Variants in CFAP99 observed in about 807,000 individuals in gnomAD.
The protein encoded by CFAP99 is cilia- and flagella-associated protein 99.
Under a neutral mutation model 82.7 loss-of-function variants are expected in CFAP99, and 84 were observed. The ratio of observed to expected loss-of-function variants is 1.02; its 90% confidence interval spans 0.85 to 1.22. CFAP99 has a LOEUF of 1.22. Ranked by LOEUF, CFAP99 falls within the 50% of genes most tolerant of loss-of-function variation. The probability of loss-of-function intolerance (pLI) is 0.00; values close to 1 mark genes in which losing one functional copy is unlikely to be tolerated. For missense variants in CFAP99, 1,059 were observed against 983.5 expected, an observed-to-expected ratio of 1.08 and a Z score of -1.03; for synonymous variants, 456 against 429.5, an observed-to-expected ratio of 1.06 and a Z score of -0.76.
chr4:2,451,127 C>T, intron 9 of CFAP99, 109 bp downstream of exon 9: 2 of 1,452,200 alleles, frequency 1.4e-6, no homozygotes, highest in Non-Finnish European at 9.3e-7. Flanking sequence ...CCTAGAGTCC[C>T]AAGGACGGCC....
At chr4:2,426,838 A>G in intron 2 of CFAP99, 1 of 486,046 alleles carries the variant, frequency 2.1e-6, no homozygotes, top group Non-Finnish European at 3.8e-6. Flanking sequence ...CTGCGGTTCC[A>G]TCCTCAGTCA....
At chr4:2,454,594 G>GTTTTTTTTTTTTTTTTTTTTTTTTTTT (rs1204498727) in intron 11 of CFAP99, among the ~76,000 whole-genome samples, 2 of 84,536 alleles carry the variant, frequency 2.4e-5, no homozygotes, top group African/African-American at 4.2e-5. Context: ...TTTTTTTTTT[G>GTTTTTTTTTTTTTTTTTTTTTTTTTTT]TTTTTTTTTT....
intron 1 of CFAP99, among the ~76,000 whole-genome samples, chr4:2,425,628 G>T (rs1022280754): frequency 6.6e-6 from 1 of 152,180 alleles, no homozygotes; most frequent in Non-Finnish European, 1.5e-5. Context: ...CCTCTGCCCA[G>T]CGCTGCCCTA....
intron 2 of CFAP99, among the ~76,000 whole-genome samples, chr4:2,434,850 G>A (rs1416907207): frequency 6.6e-6 from 1 of 152,222 alleles, no homozygotes; most frequent in African/African-American, 2.4e-5. Context: ...TGCACTGCAG[G>A]GACGATGCTA....
At chr4:2,434,381 G>A (rs1733865436) in intron 2 of CFAP99, among the ~76,000 whole-genome samples, 1 of 152,210 alleles carries the variant, frequency 6.6e-6, no homozygotes, top group Admixed American at 6.5e-5. Flanking sequence ...CCTCCAATAT[G>A]TGGAGGTTGA....
chr4:2,458,446 C>T (rs924209682), intron 11 of CFAP99, among the ~76,000 whole-genome samples: 3 of 152,128 alleles, frequency 2.0e-5, no homozygotes, highest in Non-Finnish European at 4.4e-5. Context: ...AGGGCTACTA[C>T]AGCAAAGTAC....
Position 2,449,301 on chromosome 4 carries a change from A to G in CFAP99, c.643-369A>G, listed in dbSNP as rs569195594. Among the ~76,000 whole-genome samples the G allele has an allele frequency of 1.3e-4, 20 of 152,004 alleles. 1 individual carries two copies. The East Asian group carries it at 3.9e-3, about 29-fold the overall frequency. On this transcript the variant is annotated intron_variant, in intron 6 of 14. Coordinates refer to ENST00000635017, the Ensembl canonical transcript of CFAP99. ...CCCAGCCTCTCCTGCCCAGGCAGCC[A>G]TCTTCCGCCTGTCTCCCAGTGTCAA...
chr4:2,442,788 G>A (rs1447177975), intron 4 of CFAP99, among the ~76,000 whole-genome samples: 1 of 152,224 alleles, frequency 6.6e-6, no homozygotes, highest in East Asian at 1.9e-4. Context: ...GCTGGAAGGG[G>A]AGCCAAGGTC....
intron 2 of CFAP99, among the ~76,000 whole-genome samples, chr4:2,434,937 C>T (rs1733877842): frequency 6.6e-6 from 1 of 152,190 alleles, no homozygotes; most frequent in South Asian, 2.1e-4. Context: ...ACTGAGGCCC[C>T]ACAAGGTCAT....
In CFAP99 at chr4:2,446,386, ATTATTATTATTATT is replaced by A. The variant is rs1734166224; in HGVS notation, c.642+1079_642+1092del. Reference sequence around the variant, plus strand: ...TATTGTTGTTATTATTATTATTATTATTATTATTATTATTATTATTATTTGAGACAGAGTCTCGC... The same window carrying A: ...TATTGTTGTTATTATTATTATTATTAATTATTATTTGAGACAGAGTCTCGC... On this transcript the variant is annotated intron_variant, in intron 6 of 14. Coordinates refer to ENST00000635017, the Ensembl canonical transcript of CFAP99. This position sits in a 1 kb window ranked among gnomAD's most constrained non-coding sequence, Gnocchi z 5.0. Among the ~76,000 whole-genome samples, 2 of 9,016 alleles carry A rather than the reference ATTATTATTATTATT, an allele frequency of 2.2e-4. No individual in the cohort carries two copies. Among genetic ancestry groups the A allele is most frequent in the Non-Finnish European group, 5.7e-4 (2 of 3,530 alleles). 5.9% of individuals were successfully genotyped at this position (9,016 alleles called of 152,430 possible). A position where few individuals can be genotyped will look rare whatever the true frequency, so the allele number is the denominator to read the frequency against.
intron 11 of CFAP99, among the ~76,000 whole-genome samples, chr4:2,454,578 TTTC>T (rs1734378112): frequency 7.4e-6 from 1 of 135,142 alleles, no homozygotes; most frequent in Non-Finnish European, 1.6e-5. Flanking sequence ...TGTTGTTTTT[TTTC>T]TTTTTTTTTT....
intron 4 of CFAP99, among the ~76,000 whole-genome samples, chr4:2,441,372 CAA>C (rs35201791): frequency 9.0e-4 from 108 of 120,100 alleles, no homozygotes; most frequent in East Asian, 2.3e-3. Context: ...GACTCCATCT[CAA>C]AAAAAAAAAA....
At position 2,452,257 on chromosome 4, in the gene CFAP99, C is replaced by T. The variant is rs926656327; in HGVS notation, c.1072C>T (p.Gln358Ter). ...GGCTGCAAGCGAGTGCCGGCGGTTG[C>T]AAGGGAAGCTTAGCCATGAGGAGGC... Residue 358 changes from glutamine to a stop codon, truncating the protein, a stop_gained, in exon 11 of 15, where the codon CAA becomes TAA. Coordinates refer to ENST00000635017, the Ensembl canonical transcript of CFAP99. LOFTEE classifies it high-confidence loss of function. 2 of 1,535,900 alleles carry T rather than the reference C, an allele frequency of 1.3e-6. No homozygotes were observed. The highest frequency in any genetic ancestry group is 2.7e-5 in the African/African-American group (2 of 73,014).
At chr4:2,433,222 G>A (rs1355075522) in intron 2 of CFAP99, among the ~76,000 whole-genome samples, 1 of 152,232 alleles carries the variant, frequency 6.6e-6, no homozygotes, top group African/African-American at 2.4e-5. Flanking sequence ...CCGACCTTAT[G>A]AAAAATGCAT....
chr4:2,430,364 AATT>A (rs1161831676), intron 2 of CFAP99, among the ~76,000 whole-genome samples: 1 of 32,436 alleles, frequency 3.1e-5, no homozygotes, highest in African/African-American at 2.0e-4. Context: ...AATGCCAGAA[AATT>A]ACGCAATACG....
At chr4:2,419,120 G>A (rs895295474) in intron 1 of CFAP99, 27 bp downstream of exon 1, 1 of 152,128 alleles carries the variant, frequency 6.6e-6, no homozygotes, top group South Asian at 2.1e-4. Context: ...GGTGCGGGGC[G>A]ACGCGCCGCC....
At chr4:2,450,925 A>G in intron 8 of CFAP99, 22 bp from the exon 9 acceptor site, 1 of 1,535,164 alleles carries the variant, frequency 6.5e-7, no homozygotes, top group Non-Finnish European at 8.7e-7. Context: ...CCAGGCGGCC[A>G]GCTCTGCCCT....
In CFAP99 at chr4:2,462,415, CT is replaced by C; in HGVS notation, c.1662-27del. On this transcript the variant is annotated intron_variant, in intron 14 of 14. Transcript: ENST00000635017. This position sits in a 1 kb window ranked among gnomAD's most constrained non-coding sequence, Gnocchi z 4.1. ...CTGGCCTGGGCCTCCCGCCGGCCTG[CT>C]CCTGAGCCCGCCGCGTCGCCCGCCA... The C allele has an allele frequency of 7.1e-7, 1 of 1,406,800 alleles. No homozygotes were observed. Among genetic ancestry groups the C allele is most frequent in the Non-Finnish European group, 9.1e-7 (1 of 1,093,916 alleles). The allele number at this position is 1,406,800 out of a possible 1,614,324, so 87.1% of individuals were successfully genotyped here. A position where few individuals can be genotyped will look rare whatever the true frequency, so the allele number is the denominator to read the frequency against.
In CFAP99 at chr4:2,449,728, G is replaced by C. The variant is rs1396086297; in HGVS notation, c.701G>C (p.Arg234Thr). Residue 234 changes from arginine to threonine, a missense_variant, in exon 7 of 15, where the codon AGG (arginine) becomes ACG (threonine). Coordinates refer to ENST00000635017, the Ensembl canonical transcript of CFAP99. Reference sequence around the variant, plus strand: ...CAGCAGCAGCTGGAGACAGTCAAGAGGTACAACCGCCGAAAGGCCGAGGTG... The same window carrying C: ...CAGCAGCAGCTGGAGACAGTCAAGACGTACAACCGCCGAAAGGCCGAGGTG... 2.0e-6 allele frequency: 3 copies of C among 1,536,134 alleles called. No individual in the cohort carries two copies. In the East Asian group the frequency reaches 7.3e-5, roughly 38 times the overall value.
Sources: allele counts gnomAD v4.1 joint callset (sites outside exome capture counted in the v4.1 genomes callset), GRCh38; gene constraint gnomAD v4.1.1; non-coding constraint Gnocchi (gnomAD v3.1); transcripts MANE v1.5; gene names NCBI Gene and HGNC (gene_info 2026-07-23, HGNC 2026-07-21).